Variants in LSAMP observed in about 807,000 individuals in gnomAD.
The protein encoded by LSAMP is limbic system-associated membrane protein.
In LSAMP, 7 loss-of-function variants were observed where a neutral mutation model predicts 38.6. The ratio of observed to expected loss-of-function variants is 0.18; its 90% CI spans 0.10 to 0.34. The LOEUF (loss-of-function observed/expected upper bound fraction) is 0.34. Among genes scored for constraint, LSAMP ranks in the 10% least tolerant of loss-of-function variants. The probability of loss-of-function intolerance (pLI) is 1.00; values close to 1 mark genes in which losing one functional copy is unlikely to be tolerated. For missense variants in LSAMP, 313 were observed against 420.0 expected (o/e 0.75, Z 2.23); for synonymous variants, 154 against 166.8 (o/e 0.92, Z 0.59).
chr3:115,989,190 G>A lies in LSAMP; in HGVS notation c.514+30325C>T, dbSNP rs10514761. 1.5e-3 allele frequency among the ~76,000 whole-genome samples: 226 copies of A among 152,158 alleles called. 1 individual carries two copies. The highest frequency in any genetic ancestry group is 0.011 in the East Asian group (58 of 5,182). On this transcript the variant is annotated intron_variant, in intron 3 of 6. Coordinates refer to ENST00000490035, the MANE Select transcript of LSAMP (RefSeq NM_002338.5). ...AAAAATAGAAAAGTGAATAGCTTAC[G>A]TCCTGTGTACCATATGAACAGAGAA...
At chr3:116,315,871 G>C (rs781066254) in intron 1 of LSAMP, among the ~76,000 whole-genome samples, 102 of 152,266 alleles carry the variant, frequency 6.7e-4, no homozygotes, top group Non-Finnish European at 1.3e-3. Flanking sequence ...TGGATGTACT[G>C]TCTTTGGTAT....
intron 3 of LSAMP, among the ~76,000 whole-genome samples, chr3:115,855,818 C>G (rs1344638457): frequency 1.3e-5 from 2 of 152,152 alleles, no homozygotes; most frequent in Non-Finnish European, 2.9e-5. Context: ...GACTCTCAAG[C>G]CAGAAACTGA....
At chr3:115,899,267 C>G (rs1004788526) in intron 3 of LSAMP, among the ~76,000 whole-genome samples, 2 of 151,986 alleles carry the variant, frequency 1.3e-5, no homozygotes, top group Non-Finnish European at 1.5e-5. Flanking sequence ...AAGCATGTGT[C>G]TCTGTGGCAG....
At chr3:115,972,014 T>C (rs1269864701) in intron 3 of LSAMP, among the ~76,000 whole-genome samples, 1 of 152,082 alleles carries the variant, frequency 6.6e-6, no homozygotes, top group African/African-American at 2.4e-5. Flanking sequence ...TAGAAAATAA[T>C]TTTCAAGAAT....
chr3:116,184,580 C>G (rs1710566143), intron 1 of LSAMP, among the ~76,000 whole-genome samples: 1 of 151,930 alleles, frequency 6.6e-6, no homozygotes, highest in South Asian at 2.1e-4. Context: ...AAATTTGGTG[C>G]AATAGAGTTT....
intron 1 of LSAMP, among the ~76,000 whole-genome samples, chr3:116,151,346 T>C (rs906461490): frequency 1.3e-5 from 2 of 151,886 alleles, no homozygotes; most frequent in Admixed American, 6.6e-5. Flanking sequence ...GATGACAACA[T>C]GTGAGCCGAA....
At chr3:115,915,646 T>C (rs924615378) in intron 3 of LSAMP, among the ~76,000 whole-genome samples, 5 of 152,122 alleles carry the variant, frequency 3.3e-5, no homozygotes, top group African/African-American at 1.2e-4. Context: ...ATATCCTTTT[T>C]TTTTTTTGAC....
At chr3:116,349,666 C>T (rs1455059428) in intron 1 of LSAMP, among the ~76,000 whole-genome samples, 1 of 151,788 alleles carries the variant, frequency 6.6e-6, no homozygotes, top group African/African-American at 2.4e-5. Context: ...AGGACTCTCT[C>T]ACACACAAAT....
chr3:116,402,372 A>G (rs1000562684), intron 1 of LSAMP, among the ~76,000 whole-genome samples: 2 of 152,196 alleles, frequency 1.3e-5, no homozygotes, highest in Admixed American at 6.5e-5. Flanking sequence ...AGGCCTGGCT[A>G]GGAAAGCAAA....
intron 1 of LSAMP, among the ~76,000 whole-genome samples, chr3:116,228,667 T>G (rs2046368437): frequency 6.6e-6 from 1 of 152,118 alleles, no homozygotes; most frequent in Non-Finnish European, 1.5e-5. Flanking sequence ...GAGATCACTT[T>G]GTTATTAAAT....
intron 2 of LSAMP, among the ~76,000 whole-genome samples, chr3:116,076,752 G>A (rs183754890): frequency 1.4e-4 from 21 of 152,072 alleles, no homozygotes; most frequent in Admixed American, 1.4e-3. Flanking sequence ...TGCCATTCAA[G>A]AATTATTTCG....
rs1241536331 is a variant in LSAMP, at chr3:116,246,942, A to C, written c.156-160386T>G. Reference sequence around the variant, plus strand: ...CAATGTTCATTTCAGGACACTTTGAAATCAACAAGGCTCACATCAGCTTTT... The same window carrying C: ...CAATGTTCATTTCAGGACACTTTGACATCAACAAGGCTCACATCAGCTTTT... On this transcript the variant is annotated intron_variant, in intron 1 of 6. Coordinates refer to ENST00000490035, the MANE Select transcript of LSAMP (RefSeq NM_002338.5). Among the ~76,000 whole-genome samples, 3 of 152,274 alleles carry C rather than the reference A, an allele frequency of 2.0e-5. No individual in the cohort carries two copies. The East Asian group carries it at 5.8e-4, about 29-fold the overall frequency.
intron 3 of LSAMP, among the ~76,000 whole-genome samples, chr3:115,872,533 G>A (rs1047874175): frequency 3.3e-5 from 5 of 151,988 alleles, no homozygotes; most frequent in African/African-American, 9.7e-5. Flanking sequence ...TATGAATGCC[G>A]ACAGCAGGAG....
chr3:116,240,384 G>T (rs1014804680), intron 1 of LSAMP, among the ~76,000 whole-genome samples: 10 of 152,080 alleles, frequency 6.6e-5, no homozygotes, highest in Non-Finnish European at 1.0e-4. Flanking sequence ...GAGTTAAAAA[G>T]GTCAGGGGAG....
intron 1 of LSAMP, among the ~76,000 whole-genome samples, chr3:116,301,056 C>A (rs1263224465): frequency 6.6e-6 from 1 of 151,756 alleles, no homozygotes; most frequent in Non-Finnish European, 1.5e-5. Flanking sequence ...TATTGAGTAT[C>A]TTTTTCACAT....
chr3:115,937,082 G>T (rs1231302581), intron 3 of LSAMP, among the ~76,000 whole-genome samples: 1 of 152,016 alleles, frequency 6.6e-6, no homozygotes, highest in South Asian at 2.1e-4. Context: ...GCATCGCAAG[G>T]TCCTATTAAA....
intron 1 of LSAMP, among the ~76,000 whole-genome samples, chr3:116,393,469 C>A (rs566919520): frequency 6.6e-6 from 1 of 152,214 alleles, no homozygotes; most frequent in African/African-American, 2.4e-5. Context: ...CTGGACCCCA[C>A]GCTTGCTCAC....
At chr3:116,021,996 A>C (rs187590013) in intron 2 of LSAMP, among the ~76,000 whole-genome samples, 2 of 152,292 alleles carry the variant, frequency 1.3e-5, no homozygotes, top group East Asian at 3.9e-4. Flanking sequence ...AATTAAGGAC[A>C]ATCTATTCAA....
At chr3:116,387,833 C>T (rs1307675591) in intron 1 of LSAMP, among the ~76,000 whole-genome samples, 1 of 152,084 alleles carries the variant, frequency 6.6e-6, no homozygotes, top group East Asian at 1.9e-4. Flanking sequence ...GTATCTCACG[C>T]CTGTAATCCC....
Sources: allele counts gnomAD v4.1 joint callset (sites outside exome capture counted in the v4.1 genomes callset), GRCh38; gene constraint gnomAD v4.1.1; transcripts MANE v1.5; gene names NCBI Gene and HGNC (gene_info 2026-07-23, HGNC 2026-07-21).